The following GYPC variants were observed in gnomAD, a reference collection of about 807,000 sequenced individuals.
The protein encoded by GYPC is glycophorin C (Gerbich blood group), also known as glycophorin-C.
Under a neutral mutation model 12.6 loss-of-function variants are expected in GYPC, and 14 were observed. The observed-to-expected ratio is 1.11, with a 90% CI of 0.74 to 1.74. The LOEUF is 1.74. GYPC is among the 40% of genes most tolerant of loss of function. The pLI, the probability that GYPC is intolerant of heterozygous loss-of-function variation, is 0.00. For missense variants in GYPC, 225 were observed against 172.1 expected (o/e 1.31, Z -1.72); for synonymous variants, 78 against 62.1 (o/e 1.26, Z -1.20).
chr2:126,686,295 G>T, intron 1 of GYPC: 1 of 985,702 alleles, frequency 1.0e-6, no homozygotes, highest in Non-Finnish European at 1.2e-6. Context: ...CCCAACAGCT[G>T]CACTCAAGCT....
chr2:126,684,341 T>C (rs978791454), intron 1 of GYPC, among the ~76,000 whole-genome samples: 113 of 152,206 alleles, frequency 7.4e-4, no homozygotes, highest in African/African-American at 2.5e-3. Flanking sequence ...TGACGGCAGA[T>C]TGAAGCCCTC....
chr2:126,696,156 T>C lies in GYPC; in HGVS notation c.*14T>C, dbSNP rs1198981397. On this transcript the variant is annotated 3_prime_UTR_variant, in exon 4 of 4. Coordinates refer to ENST00000259254, the MANE Select transcript of GYPC (RefSeq NM_002101.5). ...TACTTTATTTGAGGGACAACAGACT[T>C]CACTTCCCTGAATGCCTCCCCCATC... is the stretch of plus-strand genomic sequence containing the variant. 1 of 1,599,516 alleles carries C rather than the reference T, an allele frequency of 6.3e-7. No homozygotes were observed. The highest frequency in any genetic ancestry group is 8.6e-7 in the Non-Finnish European group (1 of 1,167,136).
rs74723148 is a variant in GYPC at position 126,692,191 on chromosome 2, T to C, written c.107-1673T>C. On this transcript the variant is annotated intron_variant, in intron 2 of 3. Transcript: ENST00000259254. ...TGAATGCTGGATCCTATACCCTGCC[T>C]GGTTCCTGGCTCCCGAGACCCAGAT... 4.9e-4 allele frequency among the ~76,000 whole-genome samples: 75 copies of C among 152,254 alleles called. 1 individual carries two copies. In the East Asian group the frequency reaches 0.013, roughly 26 times the overall value.
chr2:126,686,226 C>G (rs1039595151), intron 1 of GYPC: 77 of 985,316 alleles, frequency 7.8e-5, no homozygotes, highest in Non-Finnish European at 8.3e-5. Context: ...CCCTGCTCTC[C>G]GTCCACATCT....
rs537855271 is a variant in GYPC, at chr2:126,673,417, G to A, written c.50-16838G>A. On this transcript the variant is annotated intron_variant, in intron 1 of 3. Coordinates refer to ENST00000259254, the MANE Select transcript of GYPC (RefSeq NM_002101.5). ...GGGTGGGGGTGGAGAAGGTGATCAC[G>A]TTCACTGAGCCCTCCGTGTGCCAGT... 3.2e-4 allele frequency among the ~76,000 whole-genome samples: 48 copies of A among 152,252 alleles called. 2 individuals are homozygous for A. In the South Asian group the frequency reaches 9.8e-3, roughly 31 times the overall value.
intron 1 of GYPC, among the ~76,000 whole-genome samples, chr2:126,681,955 G>A (rs1160385515): frequency 6.6e-6 from 1 of 152,236 alleles, no homozygotes; most frequent in Non-Finnish European, 1.5e-5. Context: ...CTGGCCCTGA[G>A]CCTGGCAGAT....
In GYPC at chr2:126,693,937, C is replaced by T. The variant is rs149696043; in HGVS notation, c.180C>T (p.Val60=). 2.8e-4 allele frequency: 453 copies of T among 1,606,794 alleles called. 3 individuals carry two copies. The highest frequency in any genetic ancestry group is 1.2e-3 in the South Asian group (106 of 90,960). ...CCACCCCCACCATAATGGACATTGT[C>T]GTCATTGCAGGTGAGCTCTCATCAC... is the stretch of plus-strand genomic sequence containing the variant. The part of the protein sequence containing the change: ...ETSTPTIMDI[V]VIAGVIAAVA... The change falls in exon 3 of 4, where the codon GTC becomes GTT. Residue 60 remains valine, a synonymous_variant. Coordinates refer to ENST00000259254, the MANE Select transcript of GYPC (RefSeq NM_002101.5).
chr2:126,686,857 G>C (rs1249374822), intron 1 of GYPC, among the ~76,000 whole-genome samples: 1 of 151,944 alleles, frequency 6.6e-6, no homozygotes, highest in Non-Finnish European at 1.5e-5. Context: ...GCTGCCCGCA[G>C]ATCACCCCCA....
At chr2:126,681,074 G>GT (rs796937441) in intron 1 of GYPC, among the ~76,000 whole-genome samples, 189 of 152,154 alleles carry the variant, frequency 1.2e-3, no homozygotes, top group African/African-American at 4.3e-3. Context: ...AAAATAACAC[G>GT]TTTTTTGTAG....
At chr2:126,680,828 C>T (rs1361923615) in intron 1 of GYPC, among the ~76,000 whole-genome samples, 2 of 152,140 alleles carry the variant, frequency 1.3e-5, no homozygotes, top group Admixed American at 6.5e-5. Context: ...TGTGTGGACA[C>T]GAGACTCAGA....
intron 1 of GYPC, among the ~76,000 whole-genome samples, chr2:126,672,081 G>A (rs1235552443): frequency 6.6e-6 from 1 of 152,120 alleles, no homozygotes. Context: ...GGGGGATGAG[G>A]GAGGGAAAAG....
intron 1 of GYPC, chr2:126,686,252 C>G: frequency 1.0e-6 from 1 of 985,694 alleles, no homozygotes; most frequent in Non-Finnish European, 1.2e-6. Flanking sequence ...ATACCACTGG[C>G]CCTGAGAATC....
In GYPC at chr2:126,694,313, G is replaced by T. The variant is rs429692; in HGVS notation, c.190+366G>T. Among the ~76,000 whole-genome samples, 68 of 152,142 alleles carry T rather than the reference G, an allele frequency of 4.5e-4. No homozygotes were observed. The East Asian group carries it at 5.2e-3, about 12-fold the overall frequency. ...TCTCCCTCATCCCACATTATTTTCT[G>T]CCCTGGGTCCATGACCCTCAACCCT... On this transcript the variant is annotated intron_variant, in intron 3 of 3. Coordinates refer to ENST00000259254, the MANE Select transcript of GYPC (RefSeq NM_002101.5).
At chr2:126,685,820 C>T (rs1683273257) in intron 1 of GYPC, 4 of 985,054 alleles carry the variant, frequency 4.1e-6, no homozygotes, top group South Asian at 4.7e-5. Context: ...CAAGGTTTGT[C>T]ATTGCAGGAA....
At chr2:126,667,624 A>G (rs1270066873) in intron 1 of GYPC, among the ~76,000 whole-genome samples, 1 of 151,542 alleles carries the variant, frequency 6.6e-6, no homozygotes, top group African/African-American at 2.4e-5. Context: ...GCTGGTCTCA[A>G]ACTCCCGACC....
intron 1 of GYPC, chr2:126,686,081 G>A (rs1866659): frequency 4.6e-5 from 45 of 985,088 alleles, no homozygotes; most frequent in South Asian, 1.9e-4. Flanking sequence ...GAGATGGGCC[G>A]GGAAATGTAA....
chr2:126,665,091 T>A (rs1682643325), intron 1 of GYPC, among the ~76,000 whole-genome samples: 1 of 152,224 alleles, frequency 6.6e-6, no homozygotes. Context: ...TTTGCCCTAT[T>A]TCATTATTGC....
intron 1 of GYPC, chr2:126,685,824 G>A: frequency 1.0e-6 from 1 of 985,232 alleles, no homozygotes; most frequent in Non-Finnish European, 1.2e-6. Flanking sequence ...GTTTGTCATT[G>A]CAGGAAGTCT....
At chr2:126,679,470 AAT>A (rs1196354633) in intron 1 of GYPC, among the ~76,000 whole-genome samples, 2 of 152,184 alleles carry the variant, frequency 1.3e-5, no homozygotes, top group Non-Finnish European at 2.9e-5. Context: ...AAGAAAAAAA[AAT>A]TGAGAGAAGG....
Sources: allele counts gnomAD v4.1 joint callset (sites outside exome capture counted in the v4.1 genomes callset), GRCh38; gene constraint gnomAD v4.1.1; transcripts MANE v1.5; gene names NCBI Gene and HGNC (gene_info 2026-07-23, HGNC 2026-07-21).